RBFOX1: variants seen among roughly 807,000 people sequenced by gnomAD.
RBFOX1 encodes the protein RNA binding fox-1 homolog 1, also known as RNA binding protein fox-1 homolog 1.
Under a neutral mutation model 57.7 loss-of-function variants are expected in RBFOX1, and 8 were observed. The ratio of observed to expected loss-of-function variants is 0.14; its 90% CI spans 0.08 to 0.25. The LOEUF (loss-of-function observed/expected upper bound fraction) is 0.25. Ranked by LOEUF, RBFOX1 falls within the 10% of genes least tolerant of loss-of-function variation. RBFOX1 has a pLI of 1.00. For missense variants in RBFOX1, 611 were observed against 548.5 expected (o/e 1.11, Z -1.14); for synonymous variants, 326 against 222.4 (o/e 1.47, Z -4.15).
chr16:7,463,341 T>C (rs1599035172), intron 4 of RBFOX1, among the ~76,000 whole-genome samples: 1 of 152,224 alleles, frequency 6.6e-6, no homozygotes, highest in East Asian at 1.9e-4. Flanking sequence ...ACATTTCTAC[T>C]AAAAATACAA....
At chr16:7,627,540 G>A (rs2142405429) in intron 10 of RBFOX1, among the ~76,000 whole-genome samples, 1 of 152,264 alleles carries the variant, frequency 6.6e-6, no homozygotes, top group East Asian at 1.9e-4. Flanking sequence ...TTGAAGGCTA[G>A]GGACAGATAG....
intron 4 of RBFOX1, among the ~76,000 whole-genome samples, chr16:5,923,374 G>A (rs1260396728): frequency 6.6e-6 from 1 of 152,024 alleles, no homozygotes; most frequent in African/African-American, 2.4e-5. Flanking sequence ...TCAGAGGGAT[G>A]CCAAAGGTGG....
At chr16:5,502,625 T>C (rs1597325699) in intron 2 of RBFOX1, among the ~76,000 whole-genome samples, 1 of 152,112 alleles carries the variant, frequency 6.6e-6, no homozygotes. Flanking sequence ...CCAAGGCGCC[T>C]CCAGCCTCTG....
intron 3 of RBFOX1, among the ~76,000 whole-genome samples, chr16:5,746,819 T>A (rs550078167): frequency 6.6e-6 from 1 of 152,352 alleles, no homozygotes; most frequent in African/African-American, 2.4e-5. Context: ...AAGTTACTCA[T>A]CAACTTAAGG....
chr16:5,441,837 A>T (rs780083978), intron 1 of RBFOX1, among the ~76,000 whole-genome samples: 1 of 152,134 alleles, frequency 6.6e-6, no homozygotes, highest in Non-Finnish European at 1.5e-5. Context: ...ATTTCATGAG[A>T]ACTCACTCAC....
intron 2 of RBFOX1, among the ~76,000 whole-genome samples, chr16:6,532,193 T>C (rs1310851705): frequency 6.6e-6 from 1 of 152,148 alleles, no homozygotes. Flanking sequence ...TAGGAAACTC[T>C]TTATCTTCCA....
chr16:6,924,423 AGAGT>A (rs1227979256), intron 3 of RBFOX1, among the ~76,000 whole-genome samples: 2 of 151,934 alleles, frequency 1.3e-5, no homozygotes, highest in African/African-American at 4.8e-5. Context: ...GTGAACTAAC[AGAGT>A]GAGTGCTCAC....
intron 3 of RBFOX1, among the ~76,000 whole-genome samples, chr16:5,847,229 G>A (rs1030991961): frequency 6.6e-6 from 1 of 152,098 alleles, no homozygotes; most frequent in African/African-American, 2.4e-5. Context: ...TGGAGAAGAC[G>A]CTGCAGTTGG....
chr16:5,968,223 T>TGAGC, intron 4 of RBFOX1, among the ~76,000 whole-genome samples: 1 of 152,174 alleles, frequency 6.6e-6, no homozygotes, highest in East Asian at 1.9e-4. Flanking sequence ...TATGGGCATG[T>TGAGC]ACCACCATGC....
At chr16:6,496,884 C>G (rs1182395007) in intron 2 of RBFOX1, among the ~76,000 whole-genome samples, 1 of 152,070 alleles carries the variant, frequency 6.6e-6, no homozygotes, top group Admixed American at 6.5e-5. Context: ...CGCTTGAACC[C>G]AGGAGGTGGA....
chr16:6,809,110 A>G (rs1352098263), intron 3 of RBFOX1, among the ~76,000 whole-genome samples: 1 of 152,160 alleles, frequency 6.6e-6, no homozygotes, highest in Non-Finnish European at 1.5e-5. Context: ...AAAAAGGCAA[A>G]CACCAACCTG....
chr16:7,609,517 G>T (rs1401929887), intron 10 of RBFOX1, among the ~76,000 whole-genome samples: 2 of 152,116 alleles, frequency 1.3e-5, no homozygotes, highest in African/African-American at 4.8e-5. Context: ...GATTAGCCCA[G>T]GGCCCAGGTT....
intron 3 of RBFOX1, among the ~76,000 whole-genome samples, chr16:5,673,432 T>C (rs1376657862): frequency 1.4e-5 from 2 of 143,584 alleles, no homozygotes; most frequent in African/African-American, 6.0e-5. Flanking sequence ...CCAGAACTAC[T>C]TCTGTGGATT....
At chr16:6,489,178 C>G (rs1399343924) in intron 2 of RBFOX1, among the ~76,000 whole-genome samples, 2 of 152,072 alleles carry the variant, frequency 1.3e-5, no homozygotes, top group Non-Finnish European at 2.9e-5. Flanking sequence ...CCTTGGTACT[C>G]TTGTCACTAG....
At chr16:7,254,939 C>G (rs1417292117) in intron 4 of RBFOX1, among the ~76,000 whole-genome samples, 1 of 152,116 alleles carries the variant, frequency 6.6e-6, no homozygotes, top group African/African-American at 2.4e-5. Context: ...TTTCAATTCA[C>G]TCATTAATGG....
chr16:6,228,774 T>C (rs951329948), intron 1 of RBFOX1, among the ~76,000 whole-genome samples: 1 of 152,136 alleles, frequency 6.6e-6, no homozygotes, highest in African/African-American at 2.4e-5. Context: ...TGTATGGTGC[T>C]CTTGAAAATC....
At chr16:7,414,603 G>C (rs10468331) in intron 4 of RBFOX1, among the ~76,000 whole-genome samples, 26,861 of 151,948 alleles carry the variant, frequency 0.18, 5,514 homozygotes, top group African/African-American at 0.48. Flanking sequence ...TTCAAATATT[G>C]TTTTTATTTT....
chr16:7,595,100 A>G (rs140823451), intron 7 of RBFOX1, among the ~76,000 whole-genome samples: 1 of 152,310 alleles, frequency 6.6e-6, no homozygotes, highest in East Asian at 1.9e-4. Flanking sequence ...TCTGTAGGCA[A>G]TGTTAGAGGA....
intron 2 of RBFOX1, among the ~76,000 whole-genome samples, chr16:6,334,176 C>G (rs759408441): frequency 1.3e-5 from 2 of 152,088 alleles, no homozygotes; most frequent in Non-Finnish European, 2.9e-5. Flanking sequence ...ATAAGGACAA[C>G]TTGTCAGCCA....
Sources: gnomAD v4.1 joint callset for allele counts (sites outside exome capture counted in the v4.1 genomes callset) on GRCh38, gnomAD v4.1.1 for gene constraint, MANE v1.5 for transcripts, NCBI Gene and HGNC (gene_info 2026-07-23, HGNC 2026-07-21) for gene names.